The following ARHGAP22 variants were observed in gnomAD, a reference collection of about 807,000 sequenced individuals.
ARHGAP22 encodes the protein rho GTPase-activating protein 22.
A neutral mutation model predicts 59.1 loss-of-function variants in ARHGAP22; 48 were observed. That is an observed-to-expected ratio of 0.81 (90% CI 0.64 to 1.03). The LOEUF is 1.03. ARHGAP22 is among the 50% of genes least tolerant of loss of function. The pLI, the probability that ARHGAP22 is intolerant of heterozygous loss-of-function variation, is 0.00. For missense variants in ARHGAP22, 1,015 were observed against 958.7 expected (o/e 1.06, Z -0.78); for synonymous variants, 445 against 416.4 (o/e 1.07, Z -0.84).
chr10:48,500,058 C>T (rs936580944), intron 3 of ARHGAP22, among the ~76,000 whole-genome samples: 2 of 151,734 alleles, frequency 1.3e-5, no homozygotes, highest in African/African-American at 2.4e-5. Flanking sequence ...AGTATAGAGG[C>T]TAGGCATGGT....
chr10:48,511,301 C>T (rs898225842), intron 3 of ARHGAP22, among the ~76,000 whole-genome samples: 4 of 152,198 alleles, frequency 2.6e-5, no homozygotes, highest in South Asian at 2.1e-4. Flanking sequence ...CATGAGACTG[C>T]GGCCCAGAGA....
chr10:48,435,239 AT>A, the ARHGAP22 span: 239 of 438,164 alleles, frequency 5.5e-4, no homozygotes, highest in Middle Eastern at 1.7e-3. Flanking sequence ...ACTGTATTGT[AT>A]TTTTTTTGCT....
At chr10:48,596,104 A>G (rs1381458832) in intron 1 of ARHGAP22, among the ~76,000 whole-genome samples, 1 of 152,232 alleles carries the variant, frequency 6.6e-6, no homozygotes, top group Non-Finnish European at 1.5e-5. Context: ...TATTTTAATC[A>G]ATGCTTCCTG....
chr10:48,520,094 AG>A (rs2053665922), intron 3 of ARHGAP22, among the ~76,000 whole-genome samples: 1 of 152,228 alleles, frequency 6.6e-6, no homozygotes, highest in African/African-American at 2.4e-5. Context: ...AGAAGAGGGC[AG>A]GGTCGAGAGC....
In ARHGAP22 at chr10:48,447,281, C is replaced by T. The variant is rs534546538; in HGVS notation, c.1869-662G>A. Among the ~76,000 whole-genome samples the T allele has an allele frequency of 1.8e-4, 28 of 152,342 alleles. No individual in the cohort carries two copies. The South Asian group carries it at 4.8e-3, about 26-fold the overall frequency. On this transcript the variant is annotated intron_variant, in intron 9 of 9. Coordinates refer to ENST00000249601, the MANE Select transcript of ARHGAP22 (RefSeq NM_021226.4). ...CATGGCCATCTTTTTGACCAGACAA[C>T]CAGCTTCTGTCTTTCCGAAGGGACA... is the stretch of plus-strand genomic sequence containing the variant.
rs138034065 is a variant in ARHGAP22 at position 48,638,721 on chromosome 10, C to T, written c.52+13513G>A. Among the ~76,000 whole-genome samples, 1,393 of 152,156 alleles carry T rather than the reference C, an allele frequency of 9.2e-3. 18 individuals carry two copies. Among genetic ancestry groups the T allele is most frequent in the Middle Eastern group, 0.044 (13 of 294 alleles). ...ATGTGCCAGGCATAATTCTAGGCAC[C>T]GTGCAAAGAGCTCTATCTTTAAACT... On this transcript the variant is annotated intron_variant, in intron 1 of 9. Transcript: ENST00000435790.
At chr10:48,464,453 A>G (rs1237406549) in intron 4 of ARHGAP22, among the ~76,000 whole-genome samples, 1 of 152,256 alleles carries the variant, frequency 6.6e-6, no homozygotes, top group Non-Finnish European at 1.5e-5. Context: ...TAGAGAGAAC[A>G]GGTTCAGGGA....
rs532290040 is a variant in ARHGAP22, at chr10:48,488,836, C to A, written c.323-9072G>T. Among the ~76,000 whole-genome samples, 6 of 152,316 alleles carry A rather than the reference C, an allele frequency of 3.9e-5. No individual in the cohort carries two copies. In the East Asian group the frequency reaches 7.7e-4, roughly 20 times the overall value. ...TTCTCAAGGCATTTTTCTCTCTGTG[C>A]AGCTCTTTCCTCCTCAGCAGCTACC... On this transcript the variant is annotated intron_variant, in intron 3 of 9. Coordinates refer to ENST00000249601, the MANE Select transcript of ARHGAP22 (RefSeq NM_021226.4).
intron 3 of ARHGAP22, among the ~76,000 whole-genome samples, chr10:48,520,125 G>C (rs1401367176): frequency 6.6e-6 from 1 of 152,246 alleles, no homozygotes; most frequent in Non-Finnish European, 1.5e-5. Flanking sequence ...AGAAGAGGCA[G>C]TGGGAGTGCG....
At chr10:48,584,410 A>G (rs1044760769) in intron 1 of ARHGAP22, among the ~76,000 whole-genome samples, 1 of 152,210 alleles carries the variant, frequency 6.6e-6, no homozygotes, top group Non-Finnish European at 1.5e-5. Flanking sequence ...GCCAACTCAA[A>G]GGACACTTCC....
chr10:48,581,999 A>T (rs907444699), intron 2 of ARHGAP22, among the ~76,000 whole-genome samples: 2 of 152,236 alleles, frequency 1.3e-5, no homozygotes, highest in African/African-American at 4.8e-5. Context: ...GTAGGCTCAC[A>T]GGGTTGACAC....
intron 3 of ARHGAP22, among the ~76,000 whole-genome samples, chr10:48,516,742 C>A (rs1406287257): frequency 6.6e-6 from 1 of 152,176 alleles, no homozygotes; most frequent in East Asian, 1.9e-4. Context: ...GTTCTCAATT[C>A]TTCCTATGGA....
intron 3 of ARHGAP22, chr10:48,510,952 G>C (rs1481778002): frequency 6.6e-6 from 1 of 152,290 alleles, no homozygotes; most frequent in Non-Finnish European, 1.5e-5. Flanking sequence ...AAAAGTAAGC[G>C]TGATGCCATC....
At chr10:48,655,068 CCTTCT>C (rs200335418), upstream of ARHGAP22, among the ~76,000 whole-genome samples, 3,146 of 22,114 alleles carry the variant, frequency 0.14, 755 homozygotes, top group East Asian at 0.53. Context: ...TTCCTTCCCT[CCTTCT>C]CTTCTCTTCT....
chr10:48,636,115 G>C (rs2061805918), intron 1 of ARHGAP22, among the ~76,000 whole-genome samples: 1 of 152,128 alleles, frequency 6.6e-6, no homozygotes, highest in South Asian at 2.1e-4. Context: ...ATTTCCCAGG[G>C]GTCCTGTGCT....
At chr10:48,532,770 G>A (rs2054980225) in intron 3 of ARHGAP22, 1 of 151,944 alleles carries the variant, frequency 6.6e-6, no homozygotes, top group African/African-American at 2.4e-5. Context: ...AGTTTGCTGA[G>A]AATGATGGTT....
chr10:48,633,822 C>A (rs957601008), intron 1 of ARHGAP22, among the ~76,000 whole-genome samples: 8 of 152,126 alleles, frequency 5.3e-5, no homozygotes, highest in African/African-American at 1.9e-4. Context: ...TTCCACGGGG[C>A]TAAGAGGAGG....
chr10:48,649,019 A>G (rs1589324489), intron 1 of ARHGAP22, among the ~76,000 whole-genome samples: 2 of 152,306 alleles, frequency 1.3e-5, no homozygotes, highest in Admixed American at 1.3e-4. Context: ...GATCCTTTGC[A>G]AAGATCCAGG....
intron 3 of ARHGAP22, among the ~76,000 whole-genome samples, chr10:48,535,876 G>T (rs564444979): frequency 2.0e-5 from 3 of 152,214 alleles, no homozygotes; most frequent in African/African-American, 2.4e-5. Flanking sequence ...GCAAATGCCC[G>T]ACACCCTTCC....
Sources: allele counts gnomAD v4.1 joint callset (sites outside exome capture counted in the v4.1 genomes callset), GRCh38; gene constraint gnomAD v4.1.1; transcripts MANE v1.5; gene names NCBI Gene and HGNC (gene_info 2026-07-23, HGNC 2026-07-21).